Variants in SENP7 observed in about 807,000 individuals in gnomAD.
SENP7 encodes the protein sentrin-specific protease 7.
A neutral mutation model predicts 141.2 loss-of-function variants in SENP7; 64 were observed. That is an observed-to-expected ratio of 0.45 (90% confidence interval 0.37 to 0.56). The LOEUF is 0.56. Ranked by LOEUF, SENP7 falls within the 20% of genes least tolerant of loss-of-function variation. SENP7 has a pLI of 0.00. For missense variants in SENP7, 1,025 were observed against 1,212.2 expected (o/e 0.85, Z 2.29); for synonymous variants, 382 against 426.4 (o/e 0.90, Z 1.28).
chr3:101,326,540 T>G (rs1177161063), intron 23 of SENP7, among the ~76,000 whole-genome samples: 1 of 152,168 alleles, frequency 6.6e-6, no homozygotes, highest in Non-Finnish European at 1.5e-5. Context: ...TAGACCCATC[T>G]TTGTAAATAA....
chr3:101,467,885 A>G (rs566983993), intron 3 of SENP7, among the ~76,000 whole-genome samples: 69 of 152,342 alleles, frequency 4.5e-4, no homozygotes, highest in Non-Finnish European at 8.4e-4. Context: ...TAGGCTTCAG[A>G]AGATCAGTAA....
At chr3:101,498,466 T>C (rs1444988358) in intron 2 of SENP7, among the ~76,000 whole-genome samples, 16 of 152,148 alleles carry the variant, frequency 1.1e-4, no homozygotes, top group Admixed American at 1.0e-3. Flanking sequence ...CTTAATCTAA[T>C]CTTGAGAAAC....
At chr3:101,481,088 A>C (rs1466305222) in intron 3 of SENP7, among the ~76,000 whole-genome samples, 1 of 152,008 alleles carries the variant, frequency 6.6e-6, no homozygotes, top group African/African-American at 2.4e-5. Context: ...AAAAAAAAAA[A>C]AAACTAAAAA....
At position 101,355,452 on chromosome 3, in the gene SENP7, G is replaced by A. The variant is rs536054222; in HGVS notation, c.1624-3801C>T. 1.4e-4 allele frequency among the ~76,000 whole-genome samples: 21 copies of A among 152,152 alleles called. No homozygotes were observed. In the South Asian group the frequency reaches 2.1e-3, roughly 15 times the overall value. On this transcript the variant is annotated intron_variant, in intron 11 of 23. Coordinates refer to ENST00000394095, the MANE Select transcript of SENP7 (RefSeq NM_020654.5). Reference sequence around the variant, plus strand: ...ATGGCTAGCCAGTTATCTTAGCACCGTTTATTGAATAGTGAGTGCTTTCCC... The same window carrying A: ...ATGGCTAGCCAGTTATCTTAGCACCATTTATTGAATAGTGAGTGCTTTCCC...
At chr3:101,443,459 TAA>T (rs2062760215) in intron 4 of SENP7, among the ~76,000 whole-genome samples, 1 of 56,214 alleles carries the variant, frequency 1.8e-5, no homozygotes, top group African/African-American at 5.1e-5. Flanking sequence ...ATATGAACTT[TAA>T]AGTAGTTTTT....
Position 101,354,358 on chromosome 3 carries a change from C to G in SENP7, c.1624-2707G>C, listed in dbSNP as rs181573812. 1.2e-4 allele frequency among the ~76,000 whole-genome samples: 19 copies of G among 152,058 alleles called. 1 individual carries two copies. The East Asian group carries it at 3.7e-3, about 29-fold the overall frequency. ...GTTTGTTGTACAGATTGTTTTGAAA[C>G]CCAGGTATTAAGCCTAGTACTCGAT... On this transcript the variant is annotated intron_variant, in intron 11 of 23. Transcript: ENST00000394095.
Position 101,365,020 on chromosome 3 carries a change from GTTTATTTA to G in SENP7, c.1319-37_1319-30del, listed in dbSNP as rs199932025. ...AAACGGAAAAGAAAAATGTATTTTT[GTTTATTTA>G]TTTATTTATTTATTTATTTTTTGAG... On this transcript the variant is annotated intron_variant, in intron 9 of 23. Transcript: ENST00000394095. 48 of 1,308,780 alleles carry G rather than the reference GTTTATTTA, an allele frequency of 3.7e-5. 1 individual carries two copies. Among genetic ancestry groups the G allele is most frequent in the South Asian group, 2.0e-4 (11 of 55,494 alleles). The allele number at this position is 1,308,780 out of a possible 1,614,324, so 81.1% of individuals were successfully genotyped here.
upstream of SENP7, chr3:101,513,212 GGAAAAAAAAAAAAAAA>G (rs2065942533): frequency 0.011 from 1,503 of 135,858 alleles, 32 homozygotes; most frequent in Middle Eastern, 0.048. Context: ...GGAGGGGAAA[GGAAAAAAAAAAAAAAA>G]AAAAAAAAAA....
At chr3:101,371,940 T>A (rs1191621091) in intron 7 of SENP7, 68 bp downstream of exon 7, 1 of 550,098 alleles carries the variant, frequency 1.8e-6, no homozygotes, top group Non-Finnish European at 2.9e-6. Context: ...AATTTATTTA[T>A]AACAAAAATT....
In SENP7 at chr3:101,324,771, A is replaced by T. The variant is rs535758778; in HGVS notation, c.*1172T>A. The T allele has an allele frequency of 7.9e-4, 120 of 152,178 alleles. No homozygotes were observed. The highest frequency in any genetic ancestry group is 2.8e-3 in the African/African-American group (117 of 41,572). The allele number at this position is 152,178 out of a possible 1,614,324, so 9.4% of individuals were successfully genotyped here. A position where few individuals can be genotyped will look rare whatever the true frequency, so the allele number is the denominator to read the frequency against. Reference sequence around the variant, plus strand: ...AACAGATTAAAATAATATTGTTAAAAAACATTTTTCTTATCTGAGAAAATA... The same window carrying T: ...AACAGATTAAAATAATATTGTTAAATAACATTTTTCTTATCTGAGAAAATA... On this transcript the variant is annotated 3_prime_UTR_variant, in exon 24 of 24. Transcript: ENST00000394095.
intron 16 of SENP7, among the ~76,000 whole-genome samples, chr3:101,339,481 G>A (rs888792939): frequency 6.6e-6 from 1 of 152,280 alleles, no homozygotes; most frequent in South Asian, 2.1e-4. Context: ...AACTCTTAGG[G>A]AGGCCAAGGA....
rs766001235 is a variant in SENP7, at chr3:101,343,858, A to T, written c.1934T>A (p.Ile645Asn). The change falls in exon 14 of 24, where the codon ATC (isoleucine) becomes AAC (asparagine). Residue 645 changes from isoleucine to asparagine, a missense_variant. Coordinates refer to ENST00000394095, the MANE Select transcript of SENP7 (RefSeq NM_020654.5). ...GTAAGAAAGCTCTAATTCTCCACTG[A>T]TTATACTTATTTCCGTCATAATATC... ...LKDIMTEISI[I>N]SGELELSYPL... 1 of 1,613,690 alleles carries T rather than the reference A, an allele frequency of 6.2e-7. No individual in the cohort carries two copies. The highest frequency in any genetic ancestry group is 8.5e-7 in the Non-Finnish European group (1 of 1,179,706).
At chr3:101,416,675 A>AT (rs2061632607) in intron 5 of SENP7, among the ~76,000 whole-genome samples, 1 of 152,102 alleles carries the variant, frequency 6.6e-6, no homozygotes. Flanking sequence ...GCTTTTTATG[A>AT]TTTTGTCTTT....
At chr3:101,382,587 T>C (rs2060534181) in intron 6 of SENP7, among the ~76,000 whole-genome samples, 1 of 152,208 alleles carries the variant, frequency 6.6e-6, no homozygotes, top group Admixed American at 6.5e-5. Context: ...GGAAGTAAAA[T>C]TTAAAAATAC....
intron 5 of SENP7, among the ~76,000 whole-genome samples, chr3:101,405,789 G>A (rs1046464072): frequency 6.6e-6 from 1 of 152,120 alleles, no homozygotes; most frequent in East Asian, 1.9e-4. Flanking sequence ...AAATGCTCTG[G>A]AAAGTCTCAG....
intron 4 of SENP7, among the ~76,000 whole-genome samples, chr3:101,442,948 C>T (rs1004432550): frequency 5.3e-5 from 8 of 152,040 alleles, no homozygotes; most frequent in East Asian, 1.9e-4. Context: ...ATGGGCAAAG[C>T]GAAAGAAAAC....
At chr3:101,510,863 A>AAAAAAAAG (rs2065827690) in intron 1 of SENP7, among the ~76,000 whole-genome samples, 7 of 150,964 alleles carry the variant, frequency 4.6e-5, no homozygotes, top group African/African-American at 1.7e-4. Flanking sequence ...AAAAAAAAAA[A>AAAAAAAAG]GTCACTTCAT....
Position 101,366,622 on chromosome 3 carries a change from A to G in SENP7, c.1126T>C (p.Leu376=). ...TKLSSLNSQE[L]TLSNATKSAS... is the part of the protein sequence containing the mutation. ...CTTTTGGTGGCATTACTCAAAGTCA[A>G]CTCCTGACTGTTAAGTGAGGATAGT... The change falls in exon 9 of 24, where the codon TTG becomes CTG. Residue 376 remains leucine, a synonymous_variant. Transcript: ENST00000394095. 1.2e-6 allele frequency: 2 copies of G among 1,613,838 alleles called. No individual in the cohort carries two copies. Among genetic ancestry groups the G allele is most frequent in the Non-Finnish European group, 1.7e-6 (2 of 1,179,834 alleles).
intron 4 of SENP7, among the ~76,000 whole-genome samples, chr3:101,428,628 T>A (rs1363792236): frequency 6.6e-6 from 1 of 152,212 alleles, no homozygotes; most frequent in Non-Finnish European, 1.5e-5. Context: ...TTGCAAAAAT[T>A]TTCTCCCATT....
Sources: allele counts gnomAD v4.1 joint callset (sites outside exome capture counted in the v4.1 genomes callset), GRCh38; gene constraint gnomAD v4.1.1; transcripts MANE v1.5; gene names NCBI Gene and HGNC (gene_info 2026-07-23, HGNC 2026-07-21).